The following LOXL2 variants were observed in gnomAD, a reference collection of about 807,000 sequenced individuals.
LOXL2 encodes the protein lysyl oxidase homolog 2.
A neutral mutation model predicts 93.0 loss-of-function variants in LOXL2; 70 were observed. The observed-to-expected ratio is 0.75, with a 90% CI of 0.62 to 0.92. The LOEUF is 0.92. LOXL2 is among the 40% of genes least tolerant of loss of function. LOXL2 has a pLI of 0.00. For synonymous variants in LOXL2, 438 were observed against 413.2 expected (o/e 1.06, Z -0.73); for missense variants, 973 against 1,054.9 (o/e 0.92, Z 1.08).
At chr8:23,397,587 G>T (rs950533108) in intron 1 of LOXL2, among the ~76,000 whole-genome samples, 1 of 152,012 alleles carries the variant, frequency 6.6e-6, no homozygotes, top group East Asian at 1.9e-4. Context: ...GACCATCCTG[G>T]CTAACACGGT....
chr8:23,403,547 C>G (rs1460386115), intron 1 of LOXL2, among the ~76,000 whole-genome samples: 2 of 152,172 alleles, frequency 1.3e-5, no homozygotes, highest in African/African-American at 4.8e-5. Context: ...CCCGACCCGT[C>G]CCCCGCGTGC....
chr8:23,342,138 C>T (rs1217127163), intron 3 of LOXL2, among the ~76,000 whole-genome samples: 1 of 152,170 alleles, frequency 6.6e-6, no homozygotes, highest in Non-Finnish European at 1.5e-5. Flanking sequence ...CCCCCTCCCT[C>T]GACGTGGAGC....
intron 7 of LOXL2, among the ~76,000 whole-genome samples, chr8:23,320,631 G>C (rs1324451153): frequency 6.6e-6 from 1 of 152,202 alleles, no homozygotes; most frequent in Non-Finnish European, 1.5e-5. Flanking sequence ...AAAGAGGCTG[G>C]GTATGGTAGC....
chr8:23,386,755 C>G (rs1487949393), intron 1 of LOXL2, among the ~76,000 whole-genome samples: 1 of 152,074 alleles, frequency 6.6e-6, no homozygotes, highest in African/African-American at 2.4e-5. Flanking sequence ...ATTCCAGGAC[C>G]CTCCTCTACG....
intron 3 of LOXL2, among the ~76,000 whole-genome samples, chr8:23,347,168 A>AACACACACACACACAC (rs60464587): frequency 7.1e-6 from 1 of 141,758 alleles, no homozygotes; most frequent in Non-Finnish European, 1.6e-5. Context: ...AACACACACA[A>AACACACACACACACAC]ACACACACAC....
At chr8:23,334,942 G>A (rs189170484) in intron 4 of LOXL2, among the ~76,000 whole-genome samples, 5 of 151,300 alleles carry the variant, frequency 3.3e-5, no homozygotes, top group Admixed American at 2.0e-4. Flanking sequence ...TCAGCCTCCC[G>A]TGTAGCTGGG....
intron 3 of LOXL2, among the ~76,000 whole-genome samples, chr8:23,358,323 C>T (rs2117202681): frequency 6.6e-6 from 1 of 152,352 alleles, no homozygotes; most frequent in East Asian, 1.9e-4. Context: ...CTATGCTATA[C>T]AGCAGGGTTG....
intron 6 of LOXL2, among the ~76,000 whole-genome samples, chr8:23,323,647 C>G (rs1343529771): frequency 2.0e-5 from 3 of 146,890 alleles, no homozygotes; most frequent in African/African-American, 7.7e-5. Context: ...CTACCTTCCT[C>G]ATTTGTAAAA....
At chr8:23,364,371 T>C (rs1804361487) in intron 2 of LOXL2, 1 of 152,222 alleles carries the variant, frequency 6.6e-6, no homozygotes, top group South Asian at 2.1e-4. Context: ...AGAAAGCCAT[T>C]CAATCAGAAG....
rs1043661374 is a variant in LOXL2 at position 23,333,474 on chromosome 8, A to G, written c.893T>C (p.Val298Ala). The G allele has an allele frequency of 6.2e-7, 1 of 1,613,836 alleles. No homozygotes were observed. Among genetic ancestry groups the G allele is most frequent in the African/African-American group, 1.3e-5 (1 of 74,990 alleles). ...NVTCENGLPA[V>A]VSCVPGQVFS... ...GACCTGCCCAGGCACACAACTCACC[A>G]CGGCCGGTAGCCCATTCTCGCAGGT... Residue 298 changes from valine to alanine, a missense_variant, in exon 5 of 14, where the codon GTG (valine) becomes GCG (alanine). Coordinates refer to ENST00000389131, the MANE Select transcript of LOXL2 (RefSeq NM_002318.3).
At chr8:23,385,331 C>T (rs993337990) in intron 1 of LOXL2, among the ~76,000 whole-genome samples, 6 of 150,022 alleles carry the variant, frequency 4.0e-5, no homozygotes, top group African/African-American at 1.2e-4. Flanking sequence ...ACTGCAACCT[C>T]TGCGTCCCAG....
chr8:23,309,023 C>T (rs1175242514), intron 10 of LOXL2, among the ~76,000 whole-genome samples: 2 of 148,458 alleles, frequency 1.3e-5, no homozygotes, highest in South Asian at 4.3e-4. Context: ...CTGGCTCTGT[C>T]GCCTATGCTG....
intron 4 of LOXL2, among the ~76,000 whole-genome samples, chr8:23,338,834 G>A (rs1803837029): frequency 6.6e-6 from 1 of 152,178 alleles, no homozygotes; most frequent in Non-Finnish European, 1.5e-5. Flanking sequence ...GAGCTTCTGA[G>A]CTGGCCCTAC....
At chr8:23,343,134 C>G (rs1199315439) in intron 3 of LOXL2, among the ~76,000 whole-genome samples, 1 of 152,296 alleles carries the variant, frequency 6.6e-6, no homozygotes, top group South Asian at 2.1e-4. Flanking sequence ...AAGATGCTCT[C>G]GGCCATTCAG....
intron 11 of LOXL2, 128 bp from the exon 12 acceptor site, chr8:23,302,291 G>C: frequency 2.7e-6 from 3 of 1,101,482 alleles, no homozygotes; most frequent in Non-Finnish European, 4.0e-6. Flanking sequence ...TGTGTGGGCT[G>C]CTCATCTGTT....
intron 3 of LOXL2, among the ~76,000 whole-genome samples, chr8:23,345,590 C>T (rs932344497): frequency 6.6e-6 from 1 of 152,232 alleles, no homozygotes; most frequent in African/African-American, 2.4e-5. Flanking sequence ...TTAGAAAACA[C>T]GCCCACACAC....
chr8:23,330,521 A>G (rs1803654848), intron 5 of LOXL2, among the ~76,000 whole-genome samples: 1 of 152,180 alleles, frequency 6.6e-6, no homozygotes, highest in Non-Finnish European at 1.5e-5. Flanking sequence ...TAATGGAGGC[A>G]GAGGTCAAAT....
intron 2 of LOXL2, chr8:23,366,047 A>AAAAACCAC (rs1209600717): frequency 6.6e-6 from 1 of 152,256 alleles, no homozygotes; most frequent in Non-Finnish European, 1.5e-5. Context: ...CCTGATAGGG[A>AAAAACCAC]AAAACCACAA....
intron 9 of LOXL2, among the ~76,000 whole-genome samples, chr8:23,314,707 T>C (rs1803366682): frequency 6.6e-6 from 1 of 151,408 alleles, no homozygotes; most frequent in African/African-American, 2.4e-5. Context: ...GACGAGTTAG[T>C]GGGTGCAGCG....
Sources: gnomAD v4.1 joint callset for allele counts (sites outside exome capture counted in the v4.1 genomes callset) on GRCh38, gnomAD v4.1.1 for gene constraint, MANE v1.5 for transcripts, NCBI Gene and HGNC (gene_info 2026-07-23, HGNC 2026-07-21) for gene names.